GRM7: variants seen among roughly 807,000 people sequenced by gnomAD.
GRM7 encodes the protein metabotropic glutamate receptor 7.
Under a neutral mutation model 84.5 loss-of-function variants are expected in GRM7, and 35 were observed. The ratio of observed to expected loss-of-function variants is 0.41; its 90% CI spans 0.32 to 0.55. GRM7 has a LOEUF of 0.55. Among genes scored for constraint, GRM7 ranks in the 20% least tolerant of loss-of-function variants. The pLI is 0.19. For synonymous variants in GRM7, 487 were observed against 455.1 expected (o/e 1.07, Z -0.89); for missense variants, 1,003 against 1,194.6 (o/e 0.84, Z 2.36).
chr3:7,454,421 A>G (rs949728120), intron 6 of GRM7, among the ~76,000 whole-genome samples: 1 of 152,146 alleles, frequency 6.6e-6, no homozygotes, highest in African/African-American at 2.4e-5. Flanking sequence ...GAGCAATGCA[A>G]CATTCAACAC....
chr3:6,926,530 C>T (rs1697304837), intron 1 of GRM7, among the ~76,000 whole-genome samples: 1 of 152,144 alleles, frequency 6.6e-6, no homozygotes, highest in South Asian at 2.1e-4. Context: ...GTTTTAAAAG[C>T]CAGGACATTT....
intron 2 of GRM7, among the ~76,000 whole-genome samples, chr3:7,225,950 A>G (rs551321264): frequency 2.8e-4 from 42 of 152,304 alleles, no homozygotes; most frequent in Middle Eastern, 3.4e-3. Context: ...TTTATATCAT[A>G]TCCTCAGATC....
intron 1 of GRM7, among the ~76,000 whole-genome samples, chr3:6,992,096 G>C (rs1007364599): frequency 8.5e-5 from 13 of 152,224 alleles, no homozygotes; most frequent in African/African-American, 3.1e-4. Flanking sequence ...AAGAGAAAGA[G>C]AGGATGAGGT....
At chr3:7,369,158 G>A (rs963617849) in intron 4 of GRM7, among the ~76,000 whole-genome samples, 4 of 152,078 alleles carry the variant, frequency 2.6e-5, no homozygotes, top group Non-Finnish European at 5.9e-5. Context: ...GGGCTCAAGT[G>A]ATCCTCCTGA....
chr3:7,616,099 T>C (rs2125083972), intron 8 of GRM7, among the ~76,000 whole-genome samples: 1 of 152,188 alleles, frequency 6.6e-6, no homozygotes, highest in African/African-American at 2.4e-5. Flanking sequence ...AATTACCATG[T>C]TCAATAATGC....
intron 7 of GRM7, among the ~76,000 whole-genome samples, chr3:7,482,390 G>C (rs781417384): frequency 6.6e-6 from 1 of 152,088 alleles, no homozygotes; most frequent in Non-Finnish European, 1.5e-5. Context: ...CCTCAGTGTA[G>C]CTGCAGATAG....
intron 1 of GRM7, among the ~76,000 whole-genome samples, chr3:6,956,274 C>T (rs55893118): frequency 0.075 from 11,411 of 152,136 alleles, 594 homozygotes; most frequent in Non-Finnish European, 0.11. Context: ...AGTCAACAGT[C>T]GAAAGGGGTT....
intron 7 of GRM7, among the ~76,000 whole-genome samples, chr3:7,553,844 C>T (rs960462630): frequency 1.3e-5 from 2 of 152,198 alleles, no homozygotes; most frequent in African/African-American, 4.8e-5. Flanking sequence ...GGACACAAAG[C>T]CTAACCCATA....
chr3:7,214,267 A>G (rs957269509), intron 2 of GRM7, among the ~76,000 whole-genome samples: 2 of 152,236 alleles, frequency 1.3e-5, no homozygotes, highest in Non-Finnish European at 2.9e-5. Flanking sequence ...TGAGAAAACA[A>G]CATTTCTAGA....
At chr3:7,499,611 G>A (rs1489795611) in intron 7 of GRM7, among the ~76,000 whole-genome samples, 4 of 152,114 alleles carry the variant, frequency 2.6e-5, no homozygotes, top group African/African-American at 9.7e-5. Flanking sequence ...TGAGGAAACT[G>A]GGTCACGGAA....
At chr3:7,630,693 C>T (rs138555706) in intron 8 of GRM7, among the ~76,000 whole-genome samples, 1 of 152,290 alleles carries the variant, frequency 6.6e-6, no homozygotes, top group Non-Finnish European at 1.5e-5. Context: ...ATCTCTTTAT[C>T]AGAGGAAAGC....
chr3:7,122,361 TTAAA>T (rs1374311608), intron 1 of GRM7, among the ~76,000 whole-genome samples: 2 of 152,158 alleles, frequency 1.3e-5, no homozygotes, highest in South Asian at 2.1e-4. Flanking sequence ...ATTTTGAAGA[TTAAA>T]TAATGATTGA....
At chr3:7,189,039 C>G (rs974530597) in intron 2 of GRM7, among the ~76,000 whole-genome samples, 1 of 152,126 alleles carries the variant, frequency 6.6e-6, no homozygotes, top group Non-Finnish European at 1.5e-5. Flanking sequence ...GCCACCAGCT[C>G]TACGCAAGCC....
intron 2 of GRM7, among the ~76,000 whole-genome samples, chr3:7,162,339 A>T (rs1378628449): frequency 6.6e-6 from 1 of 152,156 alleles, no homozygotes; most frequent in Non-Finnish European, 1.5e-5. Flanking sequence ...ATCTAGTAAG[A>T]TGAACTAAGG....
rs373107625 is a variant in GRM7 at position 7,338,048 on chromosome 3, T to A, written c.1033+31396T>A. On this transcript the variant is annotated intron_variant, in intron 4 of 9. Coordinates refer to ENST00000357716, the MANE Select transcript of GRM7 (RefSeq NM_000844.4). ...AAATAAAGAAAATGTGGGATATATATAAATATATATATCCCCCCTTAAAGC... is the reference window on the plus strand; with the variant it reads ...AAATAAAGAAAATGTGGGATATATAAAAATATATATATCCCCCCTTAAAGC... Among the ~76,000 whole-genome samples the A allele has an allele frequency of 6.6e-5, 10 of 151,568 alleles. No individual in the cohort carries two copies. The East Asian group carries it at 1.9e-3, about 29-fold the overall frequency.
At chr3:7,642,787 C>A (rs1042561636) in intron 8 of GRM7, among the ~76,000 whole-genome samples, 2 of 152,064 alleles carry the variant, frequency 1.3e-5, no homozygotes, top group Non-Finnish European at 1.5e-5. Flanking sequence ...GGTAGACATT[C>A]AGTAAATATT....
chr3:7,029,230 G>C (rs921652906), intron 1 of GRM7, among the ~76,000 whole-genome samples: 3 of 151,224 alleles, frequency 2.0e-5, no homozygotes, highest in African/African-American at 7.3e-5. Context: ...CTTGAACCTG[G>C]GAGGCAGAGG....
At chr3:7,044,904 C>T (rs1396822318) in intron 1 of GRM7, among the ~76,000 whole-genome samples, 1 of 152,142 alleles carries the variant, frequency 6.6e-6, no homozygotes, top group African/African-American at 2.4e-5. Context: ...GCTCAATTTG[C>T]AGGTCATTTT....
intron 1 of GRM7, among the ~76,000 whole-genome samples, chr3:7,126,415 C>A (rs1200557011): frequency 1.3e-5 from 2 of 152,162 alleles, no homozygotes; most frequent in East Asian, 3.9e-4. Context: ...AATTGCCGTG[C>A]TCCAGAAAGC....
Sources: gnomAD v4.1 joint callset for allele counts (sites outside exome capture counted in the v4.1 genomes callset) on GRCh38, gnomAD v4.1.1 for gene constraint, MANE v1.5 for transcripts, NCBI Gene and HGNC (gene_info 2026-07-23, HGNC 2026-07-21) for gene names.